The following ALG12 variants were observed in gnomAD, a reference collection of about 807,000 sequenced individuals.
ALG12 encodes the protein ALG12 alpha-1,6-mannosyltransferase, also known as dol-P-Man:Man(7)GlcNAc(2)-PP-Dol alpha-1,6-mannosyltransferase.
A neutral mutation model predicts 46.0 loss-of-function variants in ALG12; 36 were observed. That is an observed-to-expected ratio of 0.78 (90% CI 0.60 to 1.03). The LOEUF (loss-of-function observed/expected upper bound fraction) is 1.03. Among genes scored for constraint, ALG12 ranks in the 50% least tolerant of loss-of-function variants. ALG12 has a pLI of 0.00. For synonymous variants in ALG12, 326 were observed against 291.6 expected (o/e 1.12, Z -1.20); for missense variants, 599 against 633.5 (o/e 0.95, Z 0.58).
At chr22:49,909,618 A>G (rs1205223536) in intron 5 of ALG12, among the ~76,000 whole-genome samples, 1 of 152,194 alleles carries the variant, frequency 6.6e-6, no homozygotes, top group African/African-American at 2.4e-5. Flanking sequence ...ACTGCCCAGA[A>G]CCACCGCCTG....
rs1283857620 is a variant in ALG12 at position 49,902,362 on chromosome 22, TGTGTGCAC to T, written c.*1468_*1475del. On this transcript the variant is annotated 3_prime_UTR_variant, in exon 10 of 10. Transcript: ENST00000330817. ...CACTGTGTGTGGTGTGTATGCATGGTGTGTGCACGTGTGCACGGTGTGTGGTGTGTATG... is the reference window on the plus strand; with the variant it reads ...CACTGTGTGTGGTGTGTATGCATGGTGTGTGCACGGTGTGTGGTGTGTATG... 3.1e-5 allele frequency: 4 copies of T among 129,542 alleles called. No individual in the cohort carries two copies. The highest frequency in any genetic ancestry group is 9.3e-5 in the African/African-American group (3 of 32,354). The allele number at this position is 129,542 out of a possible 1,614,324, so 8.0% of individuals were successfully genotyped here.
the ALG12 span, among the ~76,000 whole-genome samples, chr22:49,874,974 C>T: frequency 6.6e-6 from 1 of 152,112 alleles, no homozygotes; most frequent in Non-Finnish European, 1.5e-5. Flanking sequence ...TGAGCCACTG[C>T]ACCCGGCCTG....
chr22:49,862,266 G>A, the ALG12 span, among the ~76,000 whole-genome samples: 1 of 152,166 alleles, frequency 6.6e-6, no homozygotes, highest in Non-Finnish European at 1.5e-5. Context: ...TTGGAAGGTG[G>A]TTTCTCTGTC....
At chr22:49,887,242 T>G in the ALG12 span, 1 of 1,518,426 alleles carries the variant, frequency 6.6e-7, no homozygotes, top group Middle Eastern at 1.9e-4. Context: ...CTGTACCAGG[T>G]CTATGACCCG....
At chr22:49,864,347 T>G in the ALG12 span, among the ~76,000 whole-genome samples, 7 of 152,268 alleles carry the variant, frequency 4.6e-5, no homozygotes, top group African/African-American at 1.7e-4. Context: ...GCAGTACAAC[T>G]GCCACCTATA....
At chr22:49,899,691 A>C (rs1423890734), downstream of ALG12, among the ~76,000 whole-genome samples, 1 of 152,146 alleles carries the variant, frequency 6.6e-6, no homozygotes, top group Non-Finnish European at 1.5e-5. Context: ...ACAATATGAA[A>C]GTACAAACGC....
chr22:49,868,803 G>A, the ALG12 span, among the ~76,000 whole-genome samples: 1 of 152,026 alleles, frequency 6.6e-6, no homozygotes, highest in Non-Finnish European at 1.5e-5. Context: ...CAGCCTCCCA[G>A]AGGTGGATTG....
the ALG12 span, among the ~76,000 whole-genome samples, chr22:49,895,008 G>A: frequency 1.3e-5 from 2 of 152,222 alleles, no homozygotes; most frequent in Non-Finnish European, 2.9e-5. Flanking sequence ...GGAGGAGGAG[G>A]AGGGGCAGGA....
In ALG12 at chr22:49,902,872, A is replaced by G. The variant is rs1306247232; in HGVS notation, c.*966T>C. The G allele has an allele frequency of 8.8e-6, 1 of 113,784 alleles. No individual in the cohort carries two copies. The highest frequency in any genetic ancestry group is 1.5e-5 in the Non-Finnish European group (1 of 64,772). 7.0% of individuals were successfully genotyped at this position (113,784 alleles called of 1,614,324 possible). On this transcript the variant is annotated 3_prime_UTR_variant, in exon 10 of 10. Coordinates refer to ENST00000330817, the MANE Select transcript of ALG12 (RefSeq NM_024105.4). Reference sequence around the variant, plus strand: ...GCACGTGTGCACTGTGTGTGGATGCATGGTAATGTGCACGTGTGCACTGTG... The same window carrying G: ...GCACGTGTGCACTGTGTGTGGATGCGTGGTAATGTGCACGTGTGCACTGTG...
At chr22:49,874,672 CTTTT>C in the ALG12 span, among the ~76,000 whole-genome samples, 2 of 37,316 alleles carry the variant, frequency 5.4e-5, no homozygotes, top group Non-Finnish European at 4.4e-5. Context: ...CATGCCCAGC[CTTTT>C]TTTTTTTTTT....
chr22:49,895,361 T>C (rs2060479913), downstream of ALG12, among the ~76,000 whole-genome samples: 1 of 152,254 alleles, frequency 6.6e-6, no homozygotes, highest in African/African-American at 2.4e-5. Flanking sequence ...CTGCTTCATT[T>C]TAAAAGTGGG....
At chr22:49,915,538 C>T (rs992557635) in intron 1 of ALG12, among the ~76,000 whole-genome samples, 7 of 152,130 alleles carry the variant, frequency 4.6e-5, no homozygotes, top group Non-Finnish European at 1.0e-4. Context: ...GTCTGGGCCA[C>T]AGAGCGTGAC....
At chr22:49,861,454 G>A in the ALG12 span, among the ~76,000 whole-genome samples, 1 of 152,168 alleles carries the variant, frequency 6.6e-6, no homozygotes, top group Non-Finnish European at 1.5e-5. Context: ...TTTGTTTTGA[G>A]ATAGCGTCTG....
chr22:49,896,808 G>C (rs1341360448), downstream of ALG12, among the ~76,000 whole-genome samples: 2 of 147,854 alleles, frequency 1.4e-5, no homozygotes, highest in Non-Finnish European at 3.0e-5. Context: ...GCTAATTTTT[G>C]TATATTTTTT....
At chr22:49,885,435 G>T in the ALG12 span, 16 of 1,609,734 alleles carry the variant, frequency 9.9e-6, no homozygotes, top group Non-Finnish European at 1.4e-5. Flanking sequence ...GGGGGAAGAA[G>T]CCGACTAACT....
chr22:49,917,881 G>A (rs1053692516), intron 1 of ALG12, among the ~76,000 whole-genome samples: 5 of 102,976 alleles, frequency 4.9e-5, no homozygotes, highest in African/African-American at 1.8e-4. Context: ...CCAGCCCCCA[G>A]AGACCCTAAG....
At chr22:49,876,358 T>C in the ALG12 span, among the ~76,000 whole-genome samples, 1 of 152,226 alleles carries the variant, frequency 6.6e-6, no homozygotes, top group Non-Finnish European at 1.5e-5. Context: ...TGGTTACTTA[T>C]TGAATAGTTC....
At chr22:49,864,983 T>C in the ALG12 span, among the ~76,000 whole-genome samples, 1 of 111,958 alleles carries the variant, frequency 8.9e-6, no homozygotes, top group Non-Finnish European at 1.6e-5. Context: ...GTCCAGCTAT[T>C]GTGCTGTGTT....
rs554345286 is a variant in ALG12, at chr22:49,902,289, G to C, written c.*1549C>G. Reference sequence around the variant, plus strand: ...TGTGCATGTGTGCACTGTATGCATAGTGTGCACGTGTGCACTGTGTGTGGA... The same window carrying C: ...TGTGCATGTGTGCACTGTATGCATACTGTGCACGTGTGCACTGTGTGTGGA... On this transcript the variant is annotated 3_prime_UTR_variant, in exon 10 of 10. Transcript: ENST00000330817. 9 of 133,596 alleles carry C rather than the reference G, an allele frequency of 6.7e-5. 3 individuals are homozygous for C. In the South Asian group the frequency reaches 2.2e-3, roughly 33 times the overall value. The allele number at this position is 133,596 out of a possible 1,614,324, so 8.3% of individuals were successfully genotyped here.
Sources: allele counts gnomAD v4.1 joint callset (sites outside exome capture counted in the v4.1 genomes callset), GRCh38; gene constraint gnomAD v4.1.1; transcripts MANE v1.5; gene names NCBI Gene and HGNC (gene_info 2026-07-23, HGNC 2026-07-21).